ICE2: variants seen among roughly 807,000 people sequenced by gnomAD.
ICE2 encodes interactor of little elongation complex ELL subunit 2.
A neutral mutation model predicts 105.4 loss-of-function variants in ICE2; 87 were observed. The ratio of observed to expected loss-of-function variants is 0.83; its 90% CI spans 0.69 to 0.99. The LOEUF (loss-of-function observed/expected upper bound fraction) is 0.99. ICE2 is among the 50% of genes least tolerant of loss of function. ICE2 has a pLI of 0.00. For missense variants in ICE2, 1,323 were observed against 1,146.7 expected, an observed-to-expected ratio of 1.15 and a Z score of -2.22; for synonymous variants, 399 against 392.0, an observed-to-expected ratio of 1.02 and a Z score of -0.21.
At chr15:60,475,958 CATTTCT>C (rs2064749654) in intron 3 of ICE2, 99 bp downstream of exon 3, 1 of 718,184 alleles carries the variant, frequency 1.4e-6, no homozygotes, top group Non-Finnish European at 2.2e-6. Flanking sequence ...TTACTTTAAA[CATTTCT>C]ATAATTTGAA....
intron 9 of ICE2, chr15:60,450,991 G>A (rs2141070398): frequency 5.0e-6 from 1 of 198,740 alleles, no homozygotes; most frequent in Non-Finnish European, 9.0e-6. Context: ...AAAAGAGGAA[G>A]AATAGCAATG....
At chr15:60,478,965 C>A (rs923499076) in intron 1 of ICE2, 38 bp downstream of exon 1, 31 of 455,700 alleles carry the variant, frequency 6.8e-5, no homozygotes, top group Middle Eastern at 6.5e-4. Flanking sequence ...AGCGCCCTCC[C>A]GTCCGCGTCT....
rs1004991153 is a variant in ICE2 at position 60,421,680 on chromosome 15, G to A, written c.*1954C>T. 2.6e-5 allele frequency: 4 copies of A among 152,130 alleles called. No homozygotes were observed. Among genetic ancestry groups the A allele is most frequent in the Non-Finnish European group, 5.9e-5 (4 of 68,024 alleles). 9.4% of individuals were successfully genotyped at this position (152,130 alleles called of 1,614,324 possible). ...TACATTAAAAATAAAATAAAAAAGT[G>A]TAAGAGTACATTTCAAGGGAATCCC... On this transcript the variant is annotated 3_prime_UTR_variant, in exon 16 of 16. Transcript: ENST00000261520.
intron 11 of ICE2, 24 bp downstream of exon 11, chr15:60,447,946 C>T: frequency 1.3e-6 from 2 of 1,587,082 alleles, no homozygotes; most frequent in Non-Finnish European, 1.7e-6. Flanking sequence ...TGATCATATT[C>T]TAACTCCGCA....
chr15:60,465,713 T>C (rs1008528345), intron 5 of ICE2, among the ~76,000 whole-genome samples: 1 of 151,712 alleles, frequency 6.6e-6, no homozygotes. Context: ...TGTGTGTGTA[T>C]ATATATATAG....
intron 12 of ICE2, chr15:60,439,806 T>C (rs1187279535): frequency 6.6e-6 from 1 of 152,242 alleles, no homozygotes; most frequent in Non-Finnish European, 1.5e-5. Context: ...TAAAATCTTA[T>C]GCCAGTGTCA....
intron 13 of ICE2, among the ~76,000 whole-genome samples, chr15:60,432,388 C>G (rs1051091226): frequency 6.6e-6 from 1 of 151,584 alleles, no homozygotes; most frequent in Non-Finnish European, 1.5e-5. Flanking sequence ...CAGGGTTTCA[C>G]CATGTTGGCC....
At chr15:60,442,585 T>A (rs1475156594) in intron 11 of ICE2, 40 bp from the exon 12 acceptor site, 1 of 1,467,286 alleles carries the variant, frequency 6.8e-7, no homozygotes, top group Non-Finnish European at 9.2e-7. Context: ...CTCTATTAAT[T>A]TACTATTAAT....
At position 60,456,656 on chromosome 15, in the gene ICE2, C is replaced by G; in HGVS notation, c.666+1G>C. 1 of 1,561,294 alleles carries G rather than the reference C, an allele frequency of 6.4e-7. No individual in the cohort carries two copies. The highest frequency in any genetic ancestry group is 1.4e-5 in the African/African-American group (1 of 71,778). On this transcript the variant is annotated splice_donor_variant, in intron 6 of 15. Transcript: ENST00000261520. LOFTEE classifies it high-confidence loss of function. Reference sequence around the variant, plus strand: ...TTATATCGTCTGATAATAAACCTTACCAATGCGAGAAGAGTTTTTTCTAAC... The same window carrying G: ...TTATATCGTCTGATAATAAACCTTAGCAATGCGAGAAGAGTTTTTTCTAAC...
chr15:60,463,150 G>A (rs2064325878), intron 5 of ICE2, among the ~76,000 whole-genome samples: 1 of 152,158 alleles, frequency 6.6e-6, no homozygotes, highest in South Asian at 2.1e-4. Flanking sequence ...GGTAGATGAG[G>A]TGTATGCATC....
chr15:60,439,326 G>C (rs1259662413), intron 12 of ICE2: 1 of 152,160 alleles, frequency 6.6e-6, no homozygotes, highest in African/African-American at 2.4e-5. Flanking sequence ...AGTTTGAACA[G>C]TGCTTGTTAC....
In ICE2 at chr15:60,444,800, T is replaced by G. The variant is rs555995400; in HGVS notation, c.2296-2255A>C. Among the ~76,000 whole-genome samples, 3 of 152,264 alleles carry G rather than the reference T, an allele frequency of 2.0e-5. No individual in the cohort carries two copies. In the South Asian group the frequency reaches 6.2e-4, roughly 32 times the overall value. On this transcript the variant is annotated intron_variant, in intron 11 of 15. Coordinates refer to ENST00000261520, the MANE Select transcript of ICE2 (RefSeq NM_024611.6). ...CCTGGGTTCAAGCGATTCTCCTGCC[T>G]CAGCCTCCCGAGCAGCCAGGTTTAT...
In ICE2 at chr15:60,466,517, T is replaced by G. The variant is rs146624199; in HGVS notation, c.528+77A>C. 775 of 1,530,772 alleles carry G rather than the reference T, an allele frequency of 5.1e-4. 1 individual carries two copies. Among genetic ancestry groups the G allele is most frequent in the Non-Finnish European group, 6.0e-4 (677 of 1,128,538 alleles). 94.8% of individuals were successfully genotyped at this position (1,530,772 alleles called of 1,614,324 possible). ...CACTGACAGTTCCGAATGCTTTTGG[T>G]GGAATCATCACATATTTCAGAATGC... On this transcript the variant is annotated intron_variant, in intron 5 of 15. Transcript: ENST00000261520.
intron 14 of ICE2, among the ~76,000 whole-genome samples, chr15:60,429,893 C>T (rs966960104): frequency 2.0e-5 from 3 of 152,020 alleles, no homozygotes; most frequent in African/African-American, 7.2e-5. Context: ...AGAAAGCTTT[C>T]ATTTACAGAA....
At chr15:60,473,278 G>C (rs1468718754) in intron 3 of ICE2, among the ~76,000 whole-genome samples, 1 of 151,726 alleles carries the variant, frequency 6.6e-6, no homozygotes, top group African/African-American at 2.4e-5. Flanking sequence ...GTGAGTGAGT[G>C]AGAGAGAGAG....
chr15:60,469,365 G>T (rs556760834), intron 3 of ICE2, among the ~76,000 whole-genome samples: 1 of 152,148 alleles, frequency 6.6e-6, no homozygotes, highest in East Asian at 1.9e-4. Context: ...TAGGTGATGG[G>T]TTGGTAAGTA....
At chr15:60,460,099 A>C (rs953382208) in intron 5 of ICE2, among the ~76,000 whole-genome samples, 1 of 152,224 alleles carries the variant, frequency 6.6e-6, no homozygotes, top group Non-Finnish European at 1.5e-5. Flanking sequence ...ATAAGAATGT[A>C]AAGAACCCAT....
At chr15:60,469,523 T>C (rs1186163560) in intron 3 of ICE2, among the ~76,000 whole-genome samples, 2 of 152,214 alleles carry the variant, frequency 1.3e-5, no homozygotes, top group East Asian at 3.8e-4. Context: ...AGAGTTCTCA[T>C]GTTTGAATTC....
chr15:60,449,682 T>A lies in ICE2; in HGVS notation c.1285A>T (p.Thr429Ser). The A allele has an allele frequency of 6.2e-7, 1 of 1,614,104 alleles. No individual in the cohort carries two copies. Among genetic ancestry groups the A allele is most frequent in the Non-Finnish European group, 8.5e-7 (1 of 1,180,026 alleles). ...GCTTTGGGGGCTGTAGGAGCATCTGTCATGTTAGGTACTGTGGAAGTACTT... is the reference window on the plus strand; with the variant it reads ...GCTTTGGGGGCTGTAGGAGCATCTGACATGTTAGGTACTGTGGAAGTACTT... Reference protein sequence around the residue: ...PASTSTVPNMTDAPTAPKAGT... With the variant: ...PASTSTVPNMSDAPTAPKAGT... Residue 429 changes from threonine (T) to serine (S), a missense_variant, in exon 10 of 16, where the codon ACA becomes TCA. By Grantham distance (58) the Thr-to-Ser change is moderately conservative. Coordinates refer to ENST00000261520, the MANE Select transcript of ICE2 (RefSeq NM_024611.6).
Sources: allele counts gnomAD v4.1 joint callset (sites outside exome capture counted in the v4.1 genomes callset), GRCh38; gene constraint gnomAD v4.1.1; transcripts MANE v1.5; gene names NCBI Gene and HGNC (gene_info 2026-07-23, HGNC 2026-07-21).